SCARA5: variants seen among roughly 807,000 people sequenced by gnomAD.
SCARA5 encodes the protein scavenger receptor class A, member 5 (putative).
In SCARA5, 45 loss-of-function variants were observed where a neutral mutation model predicts 46.3. The observed-to-expected ratio is 0.97, with a 90% CI of 0.76 to 1.24. The LOEUF is 1.24. Ranked by LOEUF, SCARA5 falls within the 50% of genes most tolerant of loss-of-function variation. SCARA5 has a pLI of 0.00. For missense variants in SCARA5, 680 were observed against 689.0 expected (o/e 0.99, Z 0.15); for synonymous variants, 333 against 306.5 (o/e 1.09, Z -0.90).
At chr8:27,944,151 ACC>A in intron 3 of SCARA5, among the ~76,000 whole-genome samples, 1 of 152,346 alleles carries the variant, frequency 6.6e-6, no homozygotes, top group Admixed American at 6.5e-5. Context: ...AAGGCAAGGA[ACC>A]CATCTAGAAA....
At chr8:27,924,320 C>A (rs1002446089) in intron 3 of SCARA5, among the ~76,000 whole-genome samples, 1 of 152,336 alleles carries the variant, frequency 6.6e-6, no homozygotes, top group South Asian at 2.1e-4. Context: ...GGAATAAGTT[C>A]TCATCCAGAA....
intron 7 of SCARA5, among the ~76,000 whole-genome samples, chr8:27,897,793 A>T (rs1807089229): frequency 6.6e-6 from 1 of 152,182 alleles, no homozygotes; most frequent in Non-Finnish European, 1.5e-5. Flanking sequence ...AGTCCCACAC[A>T]CTCACCTGGC....
At chr8:27,974,369 TC>T (rs1808492083) in intron 2 of SCARA5, among the ~76,000 whole-genome samples, 1 of 151,890 alleles carries the variant, frequency 6.6e-6, no homozygotes, top group Non-Finnish European at 1.5e-5. Context: ...CAAATTTATT[TC>T]CCCCCTCCCA....
chr8:27,896,953 G>T (rs771897360), intron 7 of SCARA5, among the ~76,000 whole-genome samples: 1 of 152,086 alleles, frequency 6.6e-6, no homozygotes, highest in Non-Finnish European at 1.5e-5. Context: ...TTAGCTGGGT[G>T]TGGTGGTGTG....
chr8:27,954,917 G>A (rs1215347977), intron 3 of SCARA5, among the ~76,000 whole-genome samples: 2 of 152,200 alleles, frequency 1.3e-5, no homozygotes, highest in African/African-American at 2.4e-5. Context: ...AGAATACACT[G>A]AAAATGTCTC....
At chr8:27,926,876 T>C in intron 3 of SCARA5, among the ~76,000 whole-genome samples, 1 of 152,196 alleles carries the variant, frequency 6.6e-6, no homozygotes, top group African/African-American at 2.4e-5. Context: ...ATAAAAAGCC[T>C]GATAATTTCA....
intron 3 of SCARA5, among the ~76,000 whole-genome samples, chr8:27,950,487 C>T (rs190954056): frequency 6.6e-6 from 1 of 152,230 alleles, no homozygotes; most frequent in East Asian, 1.9e-4. Context: ...CTTTGTCACC[C>T]TCTGGCCAGC....
chr8:27,978,355 T>G (rs1808560464), intron 2 of SCARA5, among the ~76,000 whole-genome samples: 1 of 152,068 alleles, frequency 6.6e-6, no homozygotes, highest in South Asian at 2.1e-4. Flanking sequence ...TTTCACCTTT[T>G]AAGGTGGCTG....
chr8:27,987,134 C>G (rs2129986923), intron 2 of SCARA5, among the ~76,000 whole-genome samples: 1 of 152,320 alleles, frequency 6.6e-6, no homozygotes, highest in South Asian at 2.1e-4. Flanking sequence ...GTGGGAGGCC[C>G]CTCTCCTCAC....
chr8:27,912,171 G>A (rs1009458674), intron 4 of SCARA5, among the ~76,000 whole-genome samples: 3 of 152,114 alleles, frequency 2.0e-5, no homozygotes, highest in African/African-American at 7.2e-5. Flanking sequence ...CCAGGAAATC[G>A]AAACACACAG....
chr8:27,908,346 G>GGTGACA (rs1200076699), intron 5 of SCARA5, among the ~76,000 whole-genome samples: 3 of 152,186 alleles, frequency 2.0e-5, no homozygotes, highest in African/African-American at 4.8e-5. Flanking sequence ...CTGCGGTGAC[G>GGTGACA]GTGCCGGCGC....
At chr8:27,929,289 T>C (rs1185186465) in intron 3 of SCARA5, among the ~76,000 whole-genome samples, 1 of 143,278 alleles carries the variant, frequency 7.0e-6, no homozygotes, top group Non-Finnish European at 1.5e-5. Flanking sequence ...CTAATTGTCC[T>C]TTATGTCCAT....
chr8:27,912,359 A>G (rs781291258), intron 4 of SCARA5, among the ~76,000 whole-genome samples: 3 of 152,210 alleles, frequency 2.0e-5, no homozygotes, highest in Non-Finnish European at 2.9e-5. Flanking sequence ...CAGACATTTA[A>G]TAATTCCATG....
Position 27,871,366 on chromosome 8 carries a change from T to C in SCARA5, c.*568A>G. On this transcript the variant is annotated 3_prime_UTR_variant, in exon 9 of 9. Transcript: ENST00000354914. ...TTCCTGCAGGTGACTTGCATTTCCC[T>C]CTTGCCCCTACAGCTGGCTTCTCCT... 1 of 902,904 alleles carries C rather than the reference T, an allele frequency of 1.1e-6. No individual in the cohort carries two copies. Among genetic ancestry groups the C allele is most frequent in the Non-Finnish European group, 1.3e-6 (1 of 754,428 alleles). 55.9% of individuals were successfully genotyped at this position (902,904 alleles called of 1,614,324 possible).
At chr8:27,905,523 T>TGGCGGGGGA (rs751627046) in intron 6 of SCARA5, among the ~76,000 whole-genome samples, 1 of 53,638 alleles carries the variant, frequency 1.9e-5, no homozygotes, top group African/African-American at 5.0e-5. Flanking sequence ...ATCCAAGATT[T>TGGCGGGGGA]GGGGGGGGGA....
intron 4 of SCARA5, among the ~76,000 whole-genome samples, chr8:27,919,514 C>G (rs1332946642): frequency 6.6e-6 from 1 of 152,098 alleles, no homozygotes; most frequent in Non-Finnish European, 1.5e-5. Flanking sequence ...CTGGGTCCAC[C>G]TTCCAGCCTG....
intron 3 of SCARA5, among the ~76,000 whole-genome samples, chr8:27,930,354 C>T (rs1430551170): frequency 6.6e-6 from 1 of 152,006 alleles, no homozygotes; most frequent in Non-Finnish European, 1.5e-5. Context: ...TCACCTTCTG[C>T]CATGATTGTG....
At chr8:27,927,057 C>T (rs997042408) in intron 3 of SCARA5, among the ~76,000 whole-genome samples, 1 of 152,180 alleles carries the variant, frequency 6.6e-6, no homozygotes. Context: ...ACTGAAGCCC[C>T]AGGGCCGATT....
At position 27,879,629 on chromosome 8, in the gene SCARA5, ACAC is replaced by A; in HGVS notation, c.1288_1290del (p.Val430del). On this transcript the variant is annotated inframe_deletion, in exon 8 of 9. Transcript: ENST00000354914. ...ACACCGCGGAAGCCGAGCATGCGGC[ACAC>A]CACGTCTCCGTCCTTCTTGTCCCAG... 6.2e-7 allele frequency: 1 copy of A among 1,612,190 alleles called. No individual in the cohort carries two copies. Among genetic ancestry groups the A allele is most frequent in the Non-Finnish European group, 8.5e-7 (1 of 1,180,002 alleles).
Sources: allele counts gnomAD v4.1 joint callset (sites outside exome capture counted in the v4.1 genomes callset), GRCh38; gene constraint gnomAD v4.1.1; transcripts MANE v1.5; gene names NCBI Gene and HGNC (gene_info 2026-07-23, HGNC 2026-07-21).